The following AFDN variants were observed in gnomAD, a reference collection of about 807,000 sequenced individuals.
AFDN encodes the protein afadin, adherens junction formation factor.
A neutral mutation model predicts 216.6 loss-of-function variants in AFDN; 68 were observed. The ratio of observed to expected loss-of-function variants is 0.31; its 90% CI spans 0.26 to 0.38. The LOEUF is 0.38. Ranked by LOEUF, AFDN falls within the 10% of genes least tolerant of loss-of-function variation. AFDN has a pLI of 1.00. For synonymous variants in AFDN, 868 were observed against 853.7 expected, an observed-to-expected ratio of 1.02 and a Z score of -0.29; for missense variants, 2,136 against 2,342.0, an observed-to-expected ratio of 0.91 and a Z score of 1.82.
chr6:167,876,333 A>G (rs1785379123), intron 5 of AFDN, among the ~76,000 whole-genome samples: 1 of 152,206 alleles, frequency 6.6e-6, no homozygotes, highest in Non-Finnish European at 1.5e-5. Flanking sequence ...GGTTCCATAA[A>G]TATTCTAATA....
At chr6:167,948,804 T>C (rs1795635870) in intron 29 of AFDN, among the ~76,000 whole-genome samples, 1 of 152,218 alleles carries the variant, frequency 6.6e-6, no homozygotes, top group African/African-American at 2.4e-5. Flanking sequence ...TCCCTGCCTG[T>C]GGGAGCTCAT....
At chr6:167,859,501 G>A (rs1431307356) in intron 1 of AFDN, among the ~76,000 whole-genome samples, 1 of 152,198 alleles carries the variant, frequency 6.6e-6, no homozygotes, top group Non-Finnish European at 1.5e-5. Flanking sequence ...TTTTGCTACT[G>A]GCTAGGACAT....
At position 167,911,466 on chromosome 6, in the gene AFDN, A is replaced by C. The variant is rs1790385479; in HGVS notation, c.2014A>C (p.Ser672Arg). 6.2e-7 allele frequency: 1 copy of C among 1,614,026 alleles called. No individual in the cohort carries two copies. The highest frequency in any genetic ancestry group is 1.3e-5 in the African/African-American group (1 of 74,908). The change falls in exon 15 of 34, where the codon AGC becomes CGC. Residue 672 changes from serine (S) to arginine (R), a missense_variant. Physicochemically the swap from Ser to Arg is moderately radical, Grantham distance 110. Transcript: ENST00000683244. ...CATTGCAGTCGTCAACAAGATGGTG[A>C]GCATGATGGAGGGTGTCATCCAGGT... ...KVIAVVNKMV[S>R]MMEGVIQEVD... is the part of the protein sequence containing the mutation.
At chr6:167,903,812 C>T (rs527619253) in intron 12 of AFDN, among the ~76,000 whole-genome samples, 1 of 152,320 alleles carries the variant, frequency 6.6e-6, no homozygotes, top group African/African-American at 2.4e-5. Context: ...CTTGCCCCTC[C>T]CTCCACAGGG....
intron 2 of AFDN, among the ~76,000 whole-genome samples, chr6:167,867,299 C>T (rs1217857720): frequency 3.3e-5 from 5 of 152,012 alleles, no homozygotes; most frequent in Non-Finnish European, 5.9e-5. Flanking sequence ...CTGTTCTATC[C>T]CTAATTTTTA....
chr6:167,937,343 A>G (rs1417189461), intron 23 of AFDN, among the ~76,000 whole-genome samples: 1 of 152,202 alleles, frequency 6.6e-6, no homozygotes, highest in Non-Finnish European at 1.5e-5. Flanking sequence ...CATTTTTATG[A>G]TCAACCTTGA....
At chr6:167,917,792 A>G (rs576986362) in intron 20 of AFDN, among the ~76,000 whole-genome samples, 15 of 152,372 alleles carry the variant, frequency 9.8e-5, no homozygotes, top group Non-Finnish European at 1.9e-4. Flanking sequence ...AGACATGCAC[A>G]AAACAGCCAG....
At chr6:167,919,740 G>A (rs1256244823) in intron 21 of AFDN, among the ~76,000 whole-genome samples, 3 of 152,212 alleles carry the variant, frequency 2.0e-5, no homozygotes, top group Admixed American at 6.5e-5. Context: ...TATTTCTGAT[G>A]TATGAGGTTT....
Position 167,890,924 on chromosome 6 carries a change from C to T in AFDN, c.1072C>T (p.His358Tyr). Reference protein sequence around the residue: ...PDHIPKKTKKHLEGKTPKGKE... With the variant: ...PDHIPKKTKKYLEGKTPKGKE... ...CCACATCCCAAAGAAAACCAAGAAA[C>T]ACTTGGAAGGCAAGACACCCAAGGG... Residue 358 changes from histidine to tyrosine, a missense_variant, in exon 8 of 34, where the codon CAC becomes TAC. By Grantham distance (83) the His-to-Tyr change is moderately conservative. This residue lies in a region of AFDN where 817 missense variants were observed against 965.7 expected (regional missense o/e 0.85). Coordinates refer to ENST00000683244, the MANE Select transcript of AFDN (RefSeq NM_001386888.1). The T allele has an allele frequency of 1.9e-6, 3 of 1,614,076 alleles. No homozygotes were observed. The highest frequency in any genetic ancestry group is 8.5e-7 in the Non-Finnish European group (1 of 1,179,980).
intron 1 of AFDN, among the ~76,000 whole-genome samples, chr6:167,843,260 C>T (rs958748056): frequency 1.1e-4 from 17 of 152,176 alleles, no homozygotes; most frequent in Non-Finnish European, 2.1e-4. Context: ...CTGGAGGACT[C>T]CAGACTGCTA....
chr6:167,922,818 GT>G (rs769391961), intron 21 of AFDN, 37 bp from the exon 22 acceptor site: 1 of 1,359,580 alleles, frequency 7.4e-7, no homozygotes, highest in Non-Finnish European at 1.0e-6. Context: ...TTGACAAGAT[GT>G]GCTTTTTCAC....
chr6:167,905,961 C>T (rs972123029), intron 12 of AFDN, among the ~76,000 whole-genome samples: 11 of 152,242 alleles, frequency 7.2e-5, no homozygotes, highest in Middle Eastern at 6.8e-3. Context: ...AAAAATTAGC[C>T]GGGCGTGGTG....
Position 167,895,196 on chromosome 6 carries a change from T to TA in AFDN, c.1222+1291dup, listed in dbSNP as rs925362153. Among the ~76,000 whole-genome samples, 26 of 152,020 alleles carry TA rather than the reference T, an allele frequency of 1.7e-4. No individual in the cohort carries two copies. The South Asian group carries it at 5.2e-3, about 30-fold the overall frequency. ...TAAGTAGATGGAAATCATCATACGATACGGTTAGTGGTACAATTAATGTAA... is the reference window on the plus strand; with the variant it reads ...TAAGTAGATGGAAATCATCATACGATAACGGTTAGTGGTACAATTAATGTAA... On this transcript the variant is annotated intron_variant, in intron 9 of 33. Coordinates refer to ENST00000683244, the MANE Select transcript of AFDN (RefSeq NM_001386888.1).
At chr6:167,904,847 TA>T (rs1490453277) in intron 12 of AFDN, among the ~76,000 whole-genome samples, 1 of 152,106 alleles carries the variant, frequency 6.6e-6, no homozygotes, top group Non-Finnish European at 1.5e-5. Flanking sequence ...TCCTCACATT[TA>T]AAAAATGTAA....
At chr6:167,867,830 A>G (rs139902208) in intron 2 of AFDN, among the ~76,000 whole-genome samples, 2 of 152,162 alleles carry the variant, frequency 1.3e-5, no homozygotes, top group African/African-American at 2.4e-5. Flanking sequence ...TGTCAACACT[A>G]TTAGTAGTAC....
chr6:167,867,656 C>T (rs560618894), intron 2 of AFDN, among the ~76,000 whole-genome samples: 8 of 152,234 alleles, frequency 5.3e-5, no homozygotes, highest in Non-Finnish European at 1.0e-4. Flanking sequence ...TGGTCTTGAA[C>T]GCCTGACCTT....
chr6:167,890,545 A>G (rs1787432212), intron 7 of AFDN, among the ~76,000 whole-genome samples: 1 of 150,974 alleles, frequency 6.6e-6, no homozygotes, highest in Non-Finnish European at 1.5e-5. Flanking sequence ...TTTACTGATC[A>G]TAGAGTTGTT....
At chr6:167,896,847 A>G in intron 9 of AFDN, 31 bp from the exon 10 acceptor site, 1 of 1,383,186 alleles carries the variant, frequency 7.2e-7, no homozygotes, top group East Asian at 2.3e-5. Context: ...TAGACTTTGC[A>G]AATAGAGCTG....
In AFDN at chr6:167,906,630, T is replaced by C. The variant is rs539525596; in HGVS notation, c.1651-541T>C. ...GTTAGAATTGTATACTTTTTAGAAG[T>C]ATTTAAATATACCTGATTGGGTTAC... On this transcript the variant is annotated intron_variant, in intron 12 of 33. Transcript: ENST00000683244. Among the ~76,000 whole-genome samples, 4 of 152,328 alleles carry C rather than the reference T, an allele frequency of 2.6e-5. No homozygotes were observed. In the East Asian group the frequency reaches 7.7e-4, roughly 29 times the overall value.
Sources: gnomAD v4.1 joint callset for allele counts (sites outside exome capture counted in the v4.1 genomes callset) on GRCh38, gnomAD v4.1.1 for gene constraint, gnomAD v4.1.1 regional missense constraint, MANE v1.5 for transcripts, NCBI Gene and HGNC (gene_info 2026-07-23, HGNC 2026-07-21) for gene names.